Variants in SNX8 observed in about 807,000 individuals in gnomAD.
SNX8 encodes sorting nexin 8.
Under a neutral mutation model 51.6 loss-of-function variants are expected in SNX8, and 25 were observed. That is an observed-to-expected ratio of 0.48 (90% confidence interval 0.35 to 0.68). The LOEUF (loss-of-function observed/expected upper bound fraction) is 0.68, where lower values mean the gene tolerates loss of function less well. SNX8 is among the 30% of genes least tolerant of loss of function. The probability of loss-of-function intolerance (pLI) is 0.00; values close to 1 mark genes in which losing one functional copy is unlikely to be tolerated. For synonymous variants in SNX8, 324 were observed against 277.0 expected, an observed-to-expected ratio of 1.17 and a Z score of -1.68; for missense variants, 695 against 624.0, an observed-to-expected ratio of 1.11 and a Z score of -1.21.
intron 7 of SNX8, among the ~76,000 whole-genome samples, chr7:2,260,036 G>A (rs1795298620): frequency 6.6e-6 from 1 of 151,886 alleles, no homozygotes; most frequent in Non-Finnish European, 1.5e-5. Flanking sequence ...GAGAGAGAGA[G>A]GAAGGAAGGA....
chr7:2,323,965 C>G lies in SNX8; in HGVS notation c.-66+30257G>C, dbSNP rs1477479570. Reference sequence around the variant, plus strand: ...TAAAACCCCGTCTCTACTAAAAATACAAAAATAAGCTGGGCATGGTGGTGC... The same window carrying G: ...TAAAACCCCGTCTCTACTAAAAATAGAAAAATAAGCTGGGCATGGTGGTGC... On this transcript the variant is annotated intron_variant, in intron 1 of 5. Coordinates refer to the SNX8 transcript ENST00000435336. Among the ~76,000 whole-genome samples, 3 of 151,722 alleles carry G rather than the reference C, an allele frequency of 2.0e-5. No individual in the cohort carries two copies. In the Admixed American group the frequency reaches 2.0e-4, roughly 10 times the overall value.
In SNX8 at chr7:2,269,581, C is replaced by T. The variant is rs1300724825; in HGVS notation, c.599G>A (p.Cys200Tyr). The stretch of plus-strand genomic sequence containing the variant: ...TACCTTGGCCCTGGTAGCCAGCTTA[C>T]AGTTCAGGAATTCGTCCCCGACGCA... Reference protein sequence around the residue: ...AQCVGDEFLNCKLATRAKDFL... With the variant: ...AQCVGDEFLNYKLATRAKDFL... Residue 200 changes from cysteine to tyrosine, a missense_variant, in exon 5 of 11, where the codon TGT becomes TAT. Physicochemically the swap from Cys to Tyr is radical, Grantham distance 194 (BLOSUM62 -2). Transcript: ENST00000222990. 1 of 1,573,258 alleles carries T rather than the reference C, an allele frequency of 6.4e-7. No individual in the cohort carries two copies. Among genetic ancestry groups the T allele is most frequent in the Non-Finnish European group, 8.6e-7 (1 of 1,160,170 alleles).
intron 1 of SNX8, among the ~76,000 whole-genome samples, chr7:2,292,618 G>A (rs1796176685): frequency 6.6e-6 from 1 of 151,916 alleles, no homozygotes; most frequent in South Asian, 2.1e-4. Context: ...TCACCATGTT[G>A]GCCAGGATGG....
rs530459332 is a variant in SNX8 at position 2,327,909 on chromosome 7, C to T, written c.-66+26313G>A. 4.6e-5 allele frequency among the ~76,000 whole-genome samples: 7 copies of T among 152,224 alleles called. No individual in the cohort carries two copies. In the East Asian group the frequency reaches 1.4e-3, roughly 29 times the overall value. On this transcript the variant is annotated intron_variant, in intron 1 of 5. Transcript: ENST00000435336. ...ACAAGGTCCCCATTTGTCACCCAGG[C>T]TGGAGTGCAGCGGCACGATCATGGC...
chr7:2,273,510 C>G (rs998286689), intron 3 of SNX8, among the ~76,000 whole-genome samples: 4 of 150,588 alleles, frequency 2.7e-5, no homozygotes, highest in African/African-American at 9.8e-5. Context: ...GGCGTGAACC[C>G]GGCAGGCGGA....
intron 7 of SNX8, among the ~76,000 whole-genome samples, chr7:2,261,804 A>T (rs949972578): frequency 1.3e-5 from 2 of 152,258 alleles, no homozygotes; most frequent in South Asian, 4.1e-4. Flanking sequence ...TTTCCTCTTC[A>T]GCACGAAAAA....
intron 1 of SNX8, among the ~76,000 whole-genome samples, chr7:2,345,478 G>C (rs990082229): frequency 1.1e-4 from 17 of 152,180 alleles, no homozygotes; most frequent in African/African-American, 4.1e-4. Flanking sequence ...AGGAGTTCAA[G>C]ACCAGCCTGG....
chr7:2,301,199 A>G (rs1357559278), intron 1 of SNX8, among the ~76,000 whole-genome samples: 4 of 152,222 alleles, frequency 2.6e-5, no homozygotes, highest in Non-Finnish European at 5.9e-5. Context: ...CTCCATGCCT[A>G]CGAATGGCTG....
chr7:2,256,849 G>C (rs1302408297), intron 10 of SNX8, 25 bp downstream of exon 10: 1 of 1,596,428 alleles, frequency 6.3e-7, no homozygotes. Context: ...TGGCCGAGAC[G>C]GCGGCCGGAG....
intron 10 of SNX8, among the ~76,000 whole-genome samples, chr7:2,256,450 G>A (rs1275256539): frequency 6.6e-6 from 1 of 152,264 alleles, no homozygotes; most frequent in East Asian, 1.9e-4. Flanking sequence ...AGGACCTTGG[G>A]AGCGTTTCTT....
chr7:2,309,354 C>T (rs975592856), intron 1 of SNX8, among the ~76,000 whole-genome samples: 1 of 152,156 alleles, frequency 6.6e-6, no homozygotes, highest in Non-Finnish European at 1.5e-5. Flanking sequence ...GGCGAAACTT[C>T]GTCTCTACTA....
chr7:2,285,326 T>G (rs182646465), intron 1 of SNX8, among the ~76,000 whole-genome samples: 64 of 151,756 alleles, frequency 4.2e-4, no homozygotes, highest in African/African-American at 1.2e-3. Context: ...GAGGCAGAGG[T>G]TGCGGTGAGC....
At chr7:2,258,047 G>A (rs905459338) in intron 7 of SNX8, among the ~76,000 whole-genome samples, 1 of 136,246 alleles carries the variant, frequency 7.3e-6, no homozygotes, top group Admixed American at 7.9e-5. Flanking sequence ...TCTTCGCTCT[G>A]TCGCCCAGGC....
chr7:2,279,583 C>T (rs1795863804), intron 1 of SNX8, among the ~76,000 whole-genome samples: 1 of 151,940 alleles, frequency 6.6e-6, no homozygotes, highest in Non-Finnish European at 1.5e-5. Context: ...AAAACCCCAT[C>T]GCTACAAAAA....
chr7:2,289,742 A>G (rs1430478839), intron 1 of SNX8, among the ~76,000 whole-genome samples: 1 of 152,186 alleles, frequency 6.6e-6, no homozygotes, highest in African/African-American at 2.4e-5. Context: ...AGTAAAACGT[A>G]GTACTGTTCA....
At chr7:2,333,258 CCT>C (rs982524189) in intron 1 of SNX8, among the ~76,000 whole-genome samples, 1 of 151,954 alleles carries the variant, frequency 6.6e-6, no homozygotes, top group Non-Finnish European at 1.5e-5. Flanking sequence ...AGTGAGGCCC[CCT>C]CTTTACAAAA....
chr7:2,334,179 G>A lies in SNX8; in HGVS notation c.-66+20043C>T, dbSNP rs536482321. 2.6e-4 allele frequency among the ~76,000 whole-genome samples: 39 copies of A among 152,150 alleles called. 1 individual carries two copies. Among genetic ancestry groups the A allele is most frequent in the South Asian group, 8.3e-4 (4 of 4,824 alleles). Reference sequence around the variant, plus strand: ...GCCTGTAATCCCAGCTGAGGGGGTCGGATCATGAGGTCAGCAGATCGAGAC... The same window carrying A: ...GCCTGTAATCCCAGCTGAGGGGGTCAGATCATGAGGTCAGCAGATCGAGAC... On this transcript the variant is annotated intron_variant, in intron 1 of 5. Transcript: ENST00000435336.
rs1795039210 is a variant in SNX8, at chr7:2,251,846, A to T, written c.*3210T>A. On this transcript the variant is annotated 3_prime_UTR_variant, in exon 11 of 11. Transcript: ENST00000222990. Reference sequence around the variant, plus strand: ...GTGTAAACAATTCCAGTTGTTGGGTATATTGGGTATTGATCCCTGCAGCCT... The same window carrying T: ...GTGTAAACAATTCCAGTTGTTGGGTTTATTGGGTATTGATCCCTGCAGCCT... 6.6e-6 allele frequency: 1 copy of T among 152,460 alleles called. No homozygotes were observed. Among genetic ancestry groups the T allele is most frequent in the African/African-American group, 2.4e-5 (1 of 41,466 alleles). The allele number at this position is 152,460 out of a possible 1,614,324, so 9.4% of individuals were successfully genotyped here. A position where few individuals can be genotyped will look rare whatever the true frequency, so the allele number is the denominator to read the frequency against.
intron 4 of SNX8, among the ~76,000 whole-genome samples, chr7:2,271,230 C>T (rs368383453): frequency 2.0e-5 from 3 of 152,326 alleles, no homozygotes; most frequent in East Asian, 3.9e-4. Context: ...TTGGTAGAGA[C>T]GAAGTCTCGC....
Sources: allele counts gnomAD v4.1 joint callset (sites outside exome capture counted in the v4.1 genomes callset), GRCh38; gene constraint gnomAD v4.1.1; transcripts MANE v1.5; gene names NCBI Gene and HGNC (gene_info 2026-07-23, HGNC 2026-07-21).